Variants in GON4L observed in about 807,000 individuals in gnomAD.
GON4L encodes the protein gon-4 like.
Under a neutral mutation model 211.8 loss-of-function variants are expected in GON4L, and 87 were observed. The ratio of observed to expected loss-of-function variants is 0.41; its 90% confidence interval spans 0.35 to 0.49. The LOEUF (loss-of-function observed/expected upper bound fraction) is 0.49. Ranked by LOEUF, GON4L falls within the 20% of genes least tolerant of loss-of-function variation. The pLI, the probability that GON4L is intolerant of heterozygous loss-of-function variation, is 0.15. For synonymous variants in GON4L, 875 were observed against 962.6 expected (o/e 0.91, Z 1.68); for missense variants, 2,155 against 2,659.5 (o/e 0.81, Z 4.17).
chr1:155,788,845 C>A (rs535472088), intron 12 of GON4L, among the ~76,000 whole-genome samples: 1 of 152,080 alleles, frequency 6.6e-6, no homozygotes, highest in South Asian at 2.1e-4. Context: ...AATCCCAGCA[C>A]TTTGGGAGTC....
At chr1:155,832,023 C>T (rs972957740) in intron 2 of GON4L, among the ~76,000 whole-genome samples, 1 of 152,068 alleles carries the variant, frequency 6.6e-6, no homozygotes, top group Admixed American at 6.6e-5. Context: ...GCCTGTAATC[C>T]CAACACTTTG....
intron 4 of GON4L, among the ~76,000 whole-genome samples, chr1:155,821,858 A>G (rs983592820): frequency 2.0e-5 from 3 of 152,262 alleles, no homozygotes; most frequent in Admixed American, 6.5e-5. Flanking sequence ...AAGAGTAACA[A>G]GAGCAAAGGC....
At chr1:155,830,954 T>C (rs1260714055) in intron 2 of GON4L, among the ~76,000 whole-genome samples, 1 of 152,158 alleles carries the variant, frequency 6.6e-6, no homozygotes, top group African/African-American at 2.4e-5. Context: ...TCTCTGTGTT[T>C]TGAAGGGCAA....
chr1:155,822,686 C>T (rs577020703), intron 3 of GON4L, among the ~76,000 whole-genome samples: 55 of 152,224 alleles, frequency 3.6e-4, no homozygotes, highest in Non-Finnish European at 6.5e-4. Context: ...TCAGTGCTTG[C>T]CAATGTTTGA....
chr1:155,784,358 CTTTTTTTTTTTTTTTTTTTTTTTTT>C lies in GON4L; in HGVS notation c.1789-294_1789-270del, dbSNP rs869034483. 3.6e-4 allele frequency: 37 copies of C among 104,094 alleles called. 1 individual carries two copies. The highest frequency in any genetic ancestry group is 9.2e-4 in the East Asian group (3 of 3,272). The allele number at this position is 104,094 out of a possible 1,614,324, so 6.4% of individuals were successfully genotyped here. A position where few individuals can be genotyped will look rare whatever the true frequency, so the allele number is the denominator to read the frequency against. On this transcript the variant is annotated intron_variant, in intron 13 of 31. Coordinates refer to ENST00000368331, the MANE Select transcript of GON4L (RefSeq NM_001282860.2). ...ACTCAAAATTATCAATCTCTCTCTCCTTTTTTTTTTTTTTTTTTTTTTTTTTTTTTTTTTTTTGAGACAGAGTCTT... is the reference window on the plus strand; with the variant it reads ...ACTCAAAATTATCAATCTCTCTCTCCTTTTTTTTTTTTGAGACAGAGTCTT...
chr1:155,784,667 C>A, intron 13 of GON4L: 1 of 168,774 alleles, frequency 5.9e-6, no homozygotes, highest in South Asian at 1.4e-4. Context: ...CAAGCGTGAG[C>A]CACTGCACCC....
downstream of GON4L, chr1:155,748,772 A>G: frequency 1.2e-6 from 2 of 1,613,308 alleles, no homozygotes; most frequent in Middle Eastern, 1.7e-4. Context: ...GGGTATAGAC[A>G]GAGCATGCCA....
intron 3 of GON4L, among the ~76,000 whole-genome samples, chr1:155,823,519 T>C (rs1166007760): frequency 6.6e-6 from 1 of 152,200 alleles, no homozygotes; most frequent in Non-Finnish European, 1.5e-5. Context: ...AGATGTCGAC[T>C]ACCACTACTA....
At chr1:155,848,665 A>C (rs941758899) in intron 2 of GON4L, among the ~76,000 whole-genome samples, 1 of 152,148 alleles carries the variant, frequency 6.6e-6, no homozygotes, top group African/African-American at 2.4e-5. Context: ...CCCAATTAAG[A>C]TTCTAAACTT....
chr1:155,781,685 A>T (rs1355019114), intron 14 of GON4L, among the ~76,000 whole-genome samples: 2 of 149,288 alleles, frequency 1.3e-5, no homozygotes, highest in Non-Finnish European at 3.0e-5. Flanking sequence ...CTGGTCTCAA[A>T]CTCCTGACCT....
At chr1:155,775,776 CTTTTA>C (rs1201825105) in intron 16 of GON4L, among the ~76,000 whole-genome samples, 2 of 151,986 alleles carry the variant, frequency 1.3e-5, no homozygotes, top group African/African-American at 4.8e-5. Context: ...AGGACTATTA[CTTTTA>C]TTTTATTTAT....
intron 11 of GON4L, among the ~76,000 whole-genome samples, chr1:155,795,622 C>A (rs1323320785): frequency 6.6e-6 from 1 of 151,912 alleles, no homozygotes; most frequent in African/African-American, 2.4e-5. Context: ...GCCATTGGAG[C>A]ATTTCAGATT....
In GON4L at chr1:155,777,759, C is replaced by T. The variant is rs774569464; in HGVS notation, c.1954G>A (p.Glu652Lys). The T allele has an allele frequency of 1.2e-6, 2 of 1,613,346 alleles. No homozygotes were observed. The highest frequency in any genetic ancestry group is 1.3e-5 in the African/African-American group (1 of 74,906). ...GAAGATTTCTTCATCTTCAGCTGTT[C>T]AAATAGCTCCTTCACTGTCCGATGT... ...EQHRTVKELFEQLKMKKSSAK... is the reference protein window; with the variant it reads ...EQHRTVKELFKQLKMKKSSAK... The change falls in exon 15 of 32, where the codon GAA (glutamate) becomes AAA (lysine). Residue 652 changes from glutamate to lysine, a missense_variant. This residue lies in a region of GON4L where 551 missense variants were observed against 854.0 expected (regional missense o/e 0.65). Coordinates refer to ENST00000368331, the MANE Select transcript of GON4L (RefSeq NM_001282860.2).
Position 155,762,946 on chromosome 1 carries a change from G to A in GON4L, c.4726+366C>T, listed in dbSNP as rs1210807281. On this transcript the variant is annotated intron_variant, in intron 22 of 31. Transcript: ENST00000368331. ...AGCTACTCAGGAGGGTGAGGCAGGA[G>A]AATCGCTTGAACCTGGGAGGCAGAG... is the stretch of plus-strand genomic sequence containing the variant. 3.9e-5 allele frequency among the ~76,000 whole-genome samples: 6 copies of A among 152,094 alleles called. No homozygotes were observed. The East Asian group carries it at 1.2e-3, about 29-fold the overall frequency.
chr1:155,858,901 G>A (rs567130566), upstream of GON4L, among the ~76,000 whole-genome samples: 2 of 151,926 alleles, frequency 1.3e-5, no homozygotes, highest in African/African-American at 2.4e-5. Flanking sequence ...CACCATGCTG[G>A]CCAGGCTGGT....
downstream of GON4L, chr1:155,746,004 G>C: frequency 1.2e-6 from 1 of 814,340 alleles, no homozygotes; most frequent in Non-Finnish European, 1.9e-6. Flanking sequence ...TGCTTCCCCA[G>C]GATGCTGCGC....
chr1:155,786,508 G>A (rs1482476273), intron 12 of GON4L, among the ~76,000 whole-genome samples: 2 of 152,072 alleles, frequency 1.3e-5, no homozygotes, highest in South Asian at 2.1e-4. Context: ...TCCAGCCTGG[G>A]CGACAGAGCA....
intron 12 of GON4L, among the ~76,000 whole-genome samples, chr1:155,794,538 T>G (rs1665900026): frequency 6.6e-6 from 1 of 152,230 alleles, no homozygotes; most frequent in South Asian, 2.1e-4. Flanking sequence ...GATGCTCTTC[T>G]ATTTGCAATA....
intron 14 of GON4L, among the ~76,000 whole-genome samples, chr1:155,778,661 G>A (rs377412573): frequency 1.3e-5 from 2 of 152,130 alleles, no homozygotes; most frequent in Non-Finnish European, 1.5e-5. Context: ...CATCACCTTG[G>A]TATTAAGTGC....
Sources: allele counts gnomAD v4.1 joint callset (sites outside exome capture counted in the v4.1 genomes callset), GRCh38; gene constraint gnomAD v4.1.1; regional missense constraint gnomAD v4.1.1; transcripts MANE v1.5; gene names NCBI Gene and HGNC (gene_info 2026-07-23, HGNC 2026-07-21).